The following AEBP1 variants were observed in gnomAD, a reference collection of about 807,000 sequenced individuals.
The protein encoded by AEBP1 is adipocyte enhancer-binding protein 1.
Under a neutral mutation model 116.5 loss-of-function variants are expected in AEBP1, and 69 were observed. That is an observed-to-expected ratio of 0.59 (90% CI 0.49 to 0.72). AEBP1 has a LOEUF of 0.72. AEBP1 is among the 30% of genes least tolerant of loss of function. The pLI, the probability that AEBP1 is intolerant of heterozygous loss-of-function variation, is 0.00. For missense variants in AEBP1, 1,444 were observed against 1,557.5 expected (o/e 0.93, Z 1.23); for synonymous variants, 627 against 627.3 (o/e 1.00, Z 0.01).
chr7:44,104,497 C>A lies in AEBP1; in HGVS notation c.-169C>A. 2.0e-6 allele frequency: 1 copy of A among 510,370 alleles called. No individual in the cohort carries two copies. Among genetic ancestry groups the A allele is most frequent in the East Asian group, 3.4e-5 (1 of 29,464 alleles). 31.6% of individuals were successfully genotyped at this position (510,370 alleles called of 1,614,324 possible). On this transcript the variant is annotated 5_prime_UTR_variant, in exon 1 of 21. Coordinates refer to ENST00000223357, the MANE Select transcript of AEBP1 (RefSeq NM_001129.5). ...CCCCTTCCCGGGTCCCCTCGCCCAC[C>A]CTAATCCACTCTCCCTCCCTTTCCC...
chr7:44,107,404 C>A lies in AEBP1; in HGVS notation c.596-35C>A, dbSNP rs1319652441. The stretch of plus-strand genomic sequence containing the variant: ...CTCCCAAGGTGGTCAGAGCAGGCCT[C>A]CCGCCCACCTGCTTCTGGAACTCCT... On this transcript the variant is annotated intron_variant, in intron 2 of 20. Coordinates refer to ENST00000223357, the MANE Select transcript of AEBP1 (RefSeq NM_001129.5). The surrounding 1 kb of genome is among the most constrained non-coding windows in gnomAD (Gnocchi z 4.3). 2 of 1,608,226 alleles carry A rather than the reference C, an allele frequency of 1.2e-6. No individual in the cohort carries two copies. The highest frequency in any genetic ancestry group is 1.7e-6 in the Non-Finnish European group (2 of 1,175,730).
Position 44,111,394 on chromosome 7 carries a change from G to T in AEBP1, c.1717-113G>T. On this transcript the variant is annotated intron_variant, in intron 14 of 20. Transcript: ENST00000223357. The surrounding 1 kb of genome is among the most constrained non-coding windows in gnomAD (Gnocchi z 4.7). Reference sequence around the variant, plus strand: ...AAGGAGGCCAGTACCTGGGGGCTGCGTGAAGGGGTCATGCCCGTCCCTCGC... The same window carrying T: ...AAGGAGGCCAGTACCTGGGGGCTGCTTGAAGGGGTCATGCCCGTCCCTCGC... 6.9e-7 allele frequency: 1 copy of T among 1,441,546 alleles called. No homozygotes were observed. Among genetic ancestry groups the T allele is most frequent in the Non-Finnish European group, 9.2e-7 (1 of 1,088,276 alleles). The allele number at this position is 1,441,546 out of a possible 1,614,324, so 89.3% of individuals were successfully genotyped here.
intron 2 of AEBP1, 34 bp downstream of exon 2, chr7:44,106,921 C>T (rs1330228506): frequency 6.8e-7 from 1 of 1,462,782 alleles, no homozygotes; most frequent in South Asian, 1.4e-5. Flanking sequence ...TGATGGGGCT[C>T]TGACTGCCTG....
Position 44,114,171 on chromosome 7 carries a change from GGAGGAGGAGAAA to G in AEBP1, c.3398_3409del (p.Lys1133_Glu1136del), listed in dbSNP as rs760161936. 3 of 1,614,040 alleles carry G rather than the reference GGAGGAGGAGAAA, an allele frequency of 1.9e-6. No individual in the cohort carries two copies. Among genetic ancestry groups the G allele is most frequent in the East Asian group, 2.2e-5 (1 of 44,886 alleles). ...TGGAACCCGAGTTTGAGGAAGAGGA[GGAGGAGGAGAAA>G]GAGGAGGAGATAGCCACTGGCCAGG... is the stretch of plus-strand genomic sequence containing the variant. On this transcript the variant is annotated inframe_deletion, in exon 21 of 21. Coordinates refer to ENST00000223357, the MANE Select transcript of AEBP1 (RefSeq NM_001129.5).
rs1188300018 is a variant in AEBP1 at position 44,114,516 on chromosome 7, A to G, written c.*255A>G. ...GTTGCTGCAGTGTTGGAGTAGGGGC[A>G]GAGGGAGGGAGCCAAGGTCACTCCA... On this transcript the variant is annotated 3_prime_UTR_variant, in exon 21 of 21. Transcript: ENST00000223357. 4 of 618,516 alleles carry G rather than the reference A, an allele frequency of 6.5e-6. No individual in the cohort carries two copies. The highest frequency in any genetic ancestry group is 1.1e-5 in the Non-Finnish European group (4 of 355,596). The allele number at this position is 618,516 out of a possible 1,614,324, so 38.3% of individuals were successfully genotyped here. A position where few individuals can be genotyped will look rare whatever the true frequency, so the allele number is the denominator to read the frequency against.
rs774283193 is a variant in AEBP1, at chr7:44,112,213, G to C, written c.2109G>C (p.Pro703=). Residue 703 remains proline (P), a synonymous_variant, in exon 17 of 21, where the codon CCG becomes CCC. Coordinates refer to ENST00000223357, the MANE Select transcript of AEBP1 (RefSeq NM_001129.5). This position sits in a 1 kb window ranked among gnomAD's most constrained non-coding sequence, Gnocchi z 6.6. ...EEGFDIFEDF[P]DLNSVLWGAE... ...GCTTTGACATCTTTGAAGATTTCCC[G>C]GATCTCAACTCTGTGCTCTGGGGAG... 9.3e-6 allele frequency: 15 copies of C among 1,609,610 alleles called. No homozygotes were observed. The highest frequency in any genetic ancestry group is 5.1e-6 in the Non-Finnish European group (6 of 1,176,444).
At position 44,114,351 on chromosome 7, in the gene AEBP1, C is replaced by G. The variant is rs2096234481; in HGVS notation, c.*90C>G. On this transcript the variant is annotated 3_prime_UTR_variant, in exon 21 of 21. Transcript: ENST00000223357. ...TGACCACAGTCACATCACCCATCAG[C>G]ACATGGAAGGCCCCTGGTATGGACA... The G allele has an allele frequency of 7.1e-7, 1 of 1,416,338 alleles. No homozygotes were observed. The highest frequency in any genetic ancestry group is 1.4e-5 in the African/African-American group (1 of 71,214). 87.7% of individuals were successfully genotyped at this position (1,416,338 alleles called of 1,614,324 possible).
chr7:44,105,667 C>T (rs547283332), intron 1 of AEBP1, among the ~76,000 whole-genome samples: 1 of 152,150 alleles, frequency 6.6e-6, no homozygotes, highest in African/African-American at 2.4e-5. Flanking sequence ...TGCCTGTGCC[C>T]CTCCTGCCTC....
Position 44,111,652 on chromosome 7 carries a change from C to G in AEBP1, c.1840+22C>G. 1 of 1,609,358 alleles carries G rather than the reference C, an allele frequency of 6.2e-7. No homozygotes were observed. ...CTGGGTGAGGGTCTGTGGGGGCCAG[C>G]AGCTGGCCTCTGCTGCTGATGTGCA... On this transcript the variant is annotated intron_variant, in intron 15 of 20. Coordinates refer to ENST00000223357, the MANE Select transcript of AEBP1 (RefSeq NM_001129.5). The surrounding 1 kb of genome is among the most constrained non-coding windows in gnomAD (Gnocchi z 4.7).
At position 44,110,033 on chromosome 7, in the gene AEBP1, T is replaced by C. The variant is rs1334330940; in HGVS notation, c.1169T>C (p.Met390Thr). The C allele has an allele frequency of 6.2e-7, 1 of 1,612,910 alleles. No individual in the cohort carries two copies. The highest frequency in any genetic ancestry group is 1.7e-5 in the Admixed American group (1 of 60,012). Residue 390 changes from methionine to threonine, a missense_variant, in exon 10 of 21, where the codon ATG becomes ACG. By Grantham distance (81) the Met-to-Thr change is moderately conservative. Coordinates refer to ENST00000223357, the MANE Select transcript of AEBP1 (RefSeq NM_001129.5). ...TEKVKCPPIG[M>T]ESHRIEDNQI... ...TCCTCAGAGTGTCCCCCCATTGGGATGGAGTCACACCGTATTGAGGACAAC... is the reference window on the plus strand; with the variant it reads ...TCCTCAGAGTGTCCCCCCATTGGGACGGAGTCACACCGTATTGAGGACAAC...
Position 44,113,313 on chromosome 7 carries a change from C to T in AEBP1, c.2771C>T (p.Thr924Ile). The change falls in exon 20 of 21, where the codon ACC (threonine) becomes ATC (isoleucine). Residue 924 changes from threonine (T) to isoleucine (I), a missense_variant. Transcript: ENST00000223357. The surrounding 1 kb of genome is among the most constrained non-coding windows in gnomAD (Gnocchi z 5.3). ...CAAGGCATCCCCATTGCCAACGCCACCATCTCTGTGAGTGGCATTAATCAC... is the reference window on the plus strand; with the variant it reads ...CAAGGCATCCCCATTGCCAACGCCATCATCTCTGTGAGTGGCATTAATCAC... ...DEQGIPIANATISVSGINHGV... is the reference protein window; with the variant it reads ...DEQGIPIANAIISVSGINHGV... 6.2e-7 allele frequency: 1 copy of T among 1,613,548 alleles called. No individual in the cohort carries two copies. Among genetic ancestry groups the T allele is most frequent in the Non-Finnish European group, 8.5e-7 (1 of 1,179,844 alleles).
Position 44,110,810 on chromosome 7 carries a change from G to C in AEBP1, c.1485+1G>C, listed in dbSNP as rs1246613652. 1 of 1,574,378 alleles carries C rather than the reference G, an allele frequency of 6.4e-7. No homozygotes were observed. Among genetic ancestry groups the C allele is most frequent in the Admixed American group, 1.8e-5 (1 of 54,596 alleles). ...GTACACCAACGGCTATGAGGAAATG[G>C]TGGGCACCATGCCCAGGCTCTTGGC... On this transcript the variant is annotated splice_donor_variant, in intron 12 of 20. Coordinates refer to ENST00000223357, the MANE Select transcript of AEBP1 (RefSeq NM_001129.5). LOFTEE classifies it high-confidence loss of function.
intron 1 of AEBP1, 87 bp downstream of exon 1, chr7:44,105,005 G>T: frequency 9.0e-7 from 1 of 1,109,384 alleles, no homozygotes; most frequent in Non-Finnish European, 1.3e-6. Flanking sequence ...CCACTCCCCA[G>T]TCTGCTAGGG....
At position 44,112,497 on chromosome 7, in the gene AEBP1, G is replaced by T; in HGVS notation, c.2218-61G>T. The T allele has an allele frequency of 7.1e-7, 1 of 1,399,058 alleles. No individual in the cohort carries two copies. Among genetic ancestry groups the T allele is most frequent in the Non-Finnish European group, 9.4e-7 (1 of 1,059,032 alleles). 86.7% of individuals were successfully genotyped at this position (1,399,058 alleles called of 1,614,324 possible). A position where few individuals can be genotyped will look rare whatever the true frequency, so the allele number is the denominator to read the frequency against. On this transcript the variant is annotated intron_variant, in intron 17 of 20. Coordinates refer to ENST00000223357, the MANE Select transcript of AEBP1 (RefSeq NM_001129.5). The surrounding 1 kb of genome is among the most constrained non-coding windows in gnomAD (Gnocchi z 6.6). ...GTGAAGCTTCATGGAGGGTGATCGG[G>T]CTAGGTTGGGGATAGTGGCCGGAGC...
rs200356275 is a variant in AEBP1 at position 44,113,891 on chromosome 7, G to A, written c.3107G>A (p.Arg1036Gln). 5.0e-5 allele frequency: 81 copies of A among 1,613,120 alleles called. No individual in the cohort carries two copies. Among genetic ancestry groups the A allele is most frequent in the Non-Finnish European group, 2.6e-5 (31 of 1,179,974 alleles). ...CGGCTTCGGGCACAGATGCGGCTGC[G>A]GCGCCTCAACGCCACCACCACCCTA... Reference protein sequence around the residue: ...RLRLRAQMRLRRLNATTTLGP... With the variant: ...RLRLRAQMRLQRLNATTTLGP... The change falls in exon 21 of 21, where the codon CGG becomes CAG. Residue 1036 changes from arginine to glutamine, a missense_variant. Coordinates refer to ENST00000223357, the MANE Select transcript of AEBP1 (RefSeq NM_001129.5). The surrounding 1 kb of genome is among the most constrained non-coding windows in gnomAD (Gnocchi z 5.3).
At position 44,109,435 on chromosome 7, in the gene AEBP1, C is replaced by T. The variant is rs375390967; in HGVS notation, c.1150+94C>T. 1.3e-3 allele frequency: 1,739 copies of T among 1,332,124 alleles called. 16 individuals are homozygous for T. The South Asian group carries it at 0.017, about 13-fold the overall frequency. 82.5% of individuals were successfully genotyped at this position (1,332,124 alleles called of 1,614,324 possible). On this transcript the variant is annotated intron_variant, in intron 9 of 20. Coordinates refer to ENST00000223357, the MANE Select transcript of AEBP1 (RefSeq NM_001129.5). ...CCAATGTCACAAACAGGACCCAGGTCCCCGGAACCCTTTCCTACTCAGATT... is the reference window on the plus strand; with the variant it reads ...CCAATGTCACAAACAGGACCCAGGTTCCCGGAACCCTTTCCTACTCAGATT...
rs1354983673 is a variant in AEBP1, at chr7:44,113,735, G to A, written c.2951G>A (p.Arg984His). ...GATQCNFILA[R>H]SNWKRIREIM... The stretch of plus-strand genomic sequence containing the variant: ...ACTCAGTGCAACTTCATCCTGGCTC[G>A]CTCCAACTGGAAGCGCATCCGGGAG... The change falls in exon 21 of 21, where the codon CGC becomes CAC. Residue 984 changes from arginine to histidine, a missense_variant. Coordinates refer to ENST00000223357, the MANE Select transcript of AEBP1 (RefSeq NM_001129.5). The surrounding 1 kb of genome is among the most constrained non-coding windows in gnomAD (Gnocchi z 5.3). 5 of 1,613,930 alleles carry A rather than the reference G, an allele frequency of 3.1e-6. No homozygotes were observed.
At chr7:44,109,902 C>G (rs2096227160) in intron 9 of AEBP1, 113 bp from the exon 10 acceptor site, 3 of 952,234 alleles carry the variant, frequency 3.2e-6, no homozygotes, top group Non-Finnish European at 4.7e-6. Flanking sequence ...CCAGAGCTGC[C>G]CTCTGACTGT....
chr7:44,110,410 C>T lies in AEBP1; in HGVS notation c.1400+64C>T, dbSNP rs182996711. 7.2e-5 allele frequency: 116 copies of T among 1,605,972 alleles called. No individual in the cohort carries two copies. The African/African-American group carries it at 1.3e-3, about 18-fold the overall frequency. On this transcript the variant is annotated intron_variant, in intron 11 of 20. Transcript: ENST00000223357. ...TGGCTACATAGGCATGGCTCTGTGT[C>T]CCATTAAGGAGATTCCAGTGGGCCC...
Sources: gnomAD v4.1 joint callset for allele counts (sites outside exome capture counted in the v4.1 genomes callset) on GRCh38, gnomAD v4.1.1 for gene constraint, Gnocchi (gnomAD v3.1) non-coding constraint, MANE v1.5 for transcripts, NCBI Gene and HGNC (gene_info 2026-07-23, HGNC 2026-07-21) for gene names.